The following TPX2 variants were observed in gnomAD, a reference collection of about 807,000 sequenced individuals.
The protein encoded by TPX2 is TPX2 microtubule nucleation factor, also known as targeting protein for Xklp2.
Under a neutral mutation model 93.6 loss-of-function variants are expected in TPX2, and 21 were observed. That is an observed-to-expected ratio of 0.22 (90% confidence interval 0.16 to 0.32). The LOEUF (loss-of-function observed/expected upper bound fraction) is 0.32, where lower values mean the gene tolerates loss of function less well. TPX2 is among the 10% of genes least tolerant of loss of function. The pLI, the probability that TPX2 is intolerant of heterozygous loss-of-function variation, is 1.00. For synonymous variants in TPX2, 281 were observed against 298.3 expected (o/e 0.94, Z 0.60); for missense variants, 776 against 871.1 (o/e 0.89, Z 1.37).
intron 4 of TPX2, among the ~76,000 whole-genome samples, chr20:31,765,145 T>A (rs940649984): frequency 6.6e-6 from 1 of 151,738 alleles, no homozygotes; most frequent in Admixed American, 6.6e-5. Context: ...CCCATAACAC[T>A]TTTTTTCTAT....
intron 7 of TPX2, among the ~76,000 whole-genome samples, chr20:31,772,328 C>G (rs139364122): frequency 2.1e-4 from 32 of 152,094 alleles, no homozygotes; most frequent in Non-Finnish European, 3.4e-4. Context: ...GCCTACCTGG[C>G]TAACTTTTAC....
rs919144095 is a variant in TPX2, at chr20:31,801,003, G to A, written c.2167G>A (p.Gly723Ser). The A allele has an allele frequency of 2.5e-6, 4 of 1,614,016 alleles. No individual in the cohort carries two copies. Among genetic ancestry groups the A allele is most frequent in the Non-Finnish European group, 3.4e-6 (4 of 1,180,022 alleles). ...HKANPIRKYQ[G>S]LEIKSSDQPL... Reference sequence around the variant, plus strand: ...GGCAAATCCAATACGCAAGTACCAGGGTCTGGAGATAAAGTCAAGTGACCA... The same window carrying A: ...GGCAAATCCAATACGCAAGTACCAGAGTCTGGAGATAAAGTCAAGTGACCA... The change falls in exon 18 of 18, where the codon GGT (glycine) becomes AGT (serine). Residue 723 changes from glycine to serine, a missense_variant. Physicochemically the swap from Gly to Ser is moderately conservative, Grantham distance 56. Coordinates refer to ENST00000300403, the MANE Select transcript of TPX2 (RefSeq NM_012112.5).
intron 13 of TPX2, 92 bp from the exon 14 acceptor site, chr20:31,793,756 C>A: frequency 8.3e-7 from 1 of 1,206,100 alleles, no homozygotes; most frequent in Non-Finnish European, 1.1e-6. Context: ...TTAATTAATG[C>A]CACATATTAA....
intron 3 of TPX2, among the ~76,000 whole-genome samples, chr20:31,759,427 G>C (rs1185358406): frequency 7.3e-6 from 1 of 137,462 alleles, no homozygotes; most frequent in Non-Finnish European, 1.5e-5. Flanking sequence ...TTGAGATGGA[G>C]TCTTGCTCTG....
chr20:31,755,507 C>T (rs543743647), intron 2 of TPX2, among the ~76,000 whole-genome samples: 13 of 151,376 alleles, frequency 8.6e-5, no homozygotes, highest in Admixed American at 5.3e-4. Flanking sequence ...TGGCCGGGCG[C>T]GGTGGCTCAC....
Position 31,793,642 on chromosome 20 carries a change from G to A in TPX2, c.1510-206G>A, listed in dbSNP as rs1344514563. ...TTTACAACATTCCTGTGGAAAACTA[G>A]ATCTTTTAAGAGTAATTGTGTTAGC... is the stretch of plus-strand genomic sequence containing the variant. On this transcript the variant is annotated intron_variant, in intron 13 of 17. Coordinates refer to ENST00000300403, the MANE Select transcript of TPX2 (RefSeq NM_012112.5). 2.0e-5 allele frequency among the ~76,000 whole-genome samples: 3 copies of A among 152,186 alleles called. No individual in the cohort carries two copies. In the East Asian group the frequency reaches 5.8e-4, roughly 29 times the overall value.
chr20:31,771,574 A>G lies in TPX2; in HGVS notation c.500A>G (p.Lys167Arg). 6.2e-7 allele frequency: 1 copy of G among 1,608,294 alleles called. No individual in the cohort carries two copies. Among genetic ancestry groups the G allele is most frequent in the Non-Finnish European group, 8.5e-7 (1 of 1,178,694 alleles). The change falls in exon 7 of 18, where the codon AAG (lysine) becomes AGG (arginine). Residue 167 changes from lysine (K) to arginine (R), a missense_variant. Lys to Arg is a conservative substitution (Grantham distance 26). This residue lies in a region of TPX2 where 279 missense variants were observed against 261.6 expected (regional missense o/e 1.07). Coordinates refer to ENST00000300403, the MANE Select transcript of TPX2 (RefSeq NM_012112.5). The part of the protein sequence containing the change: ...SKKMKVSNNK[K>R]KPEEEGSAHQ... ...TTGAACTCAAGTTCTAACAACAAAAAGAAGCCAGAGGAAGAAGGCAGTGCT... is the reference window on the plus strand; with the variant it reads ...TTGAACTCAAGTTCTAACAACAAAAGGAAGCCAGAGGAAGAAGGCAGTGCT...
At chr20:31,792,869 T>C in intron 13 of TPX2, 39 bp downstream of exon 13, 1 of 1,558,634 alleles carries the variant, frequency 6.4e-7, no homozygotes, top group East Asian at 2.2e-5. Flanking sequence ...TTTCCTTCTA[T>C]ATAGTCAGTC....
At chr20:31,746,072 T>C (rs183833795) in intron 2 of TPX2, among the ~76,000 whole-genome samples, 1 of 152,308 alleles carries the variant, frequency 6.6e-6, no homozygotes, top group Admixed American at 6.5e-5. Context: ...AGAACAAGTG[T>C]CCATGTGTCC....
intron 5 of TPX2, among the ~76,000 whole-genome samples, chr20:31,769,084 A>G (rs2061947211): frequency 6.6e-6 from 1 of 152,176 alleles, no homozygotes; most frequent in African/African-American, 2.4e-5. Context: ...AGAAAAGAAT[A>G]CTTGTAGTAG....
At chr20:31,766,028 A>G (rs2061922834) in intron 4 of TPX2, among the ~76,000 whole-genome samples, 1 of 152,224 alleles carries the variant, frequency 6.6e-6, no homozygotes, top group South Asian at 2.1e-4. Flanking sequence ...AAATTAGTGC[A>G]GGAGAGAAAA....
intron 17 of TPX2, 30 bp from the exon 18 acceptor site, chr20:31,800,940 T>A: frequency 3.2e-6 from 5 of 1,547,992 alleles, no homozygotes; most frequent in Non-Finnish European, 4.5e-6. Flanking sequence ...CTGACATCCC[T>A]CTCACTGGTA....
rs73903648 is a variant in TPX2, at chr20:31,798,217, A to G, written c.1946-148A>G. 5,397 of 935,052 alleles carry G rather than the reference A, an allele frequency of 5.8e-3. 198 individuals carry two copies. In the African/African-American group the frequency reaches 0.077, roughly 13 times the overall value. 57.9% of individuals were successfully genotyped at this position (935,052 alleles called of 1,614,324 possible). A position where few individuals can be genotyped will look rare whatever the true frequency, so the allele number is the denominator to read the frequency against. ...TAAAATTCTAAAACTTTTTGTATTT[A>G]GTTGGCTCTACCTTTCTCCCAATGG... On this transcript the variant is annotated intron_variant, in intron 16 of 17. Transcript: ENST00000300403.
intron 14 of TPX2, among the ~76,000 whole-genome samples, 171 bp downstream of exon 14, chr20:31,794,195 G>A (rs2062120704): frequency 6.6e-6 from 1 of 152,178 alleles, no homozygotes; most frequent in Admixed American, 6.5e-5. Flanking sequence ...GGCACAAGGA[G>A]GTTAAGTGAC....
chr20:31,750,621 AAACT>A, intron 2 of TPX2, among the ~76,000 whole-genome samples: 4 of 152,056 alleles, frequency 2.6e-5, no homozygotes, highest in Admixed American at 6.6e-5. Context: ...ATGTGCCACC[AAACT>A]CAGCTAATTT....
Position 31,801,178 on chromosome 20 carries a change from C to G in TPX2, c.*98C>G, listed in dbSNP as rs2062169587. 5 of 1,069,258 alleles carry G rather than the reference C, an allele frequency of 4.7e-6. No homozygotes were observed. The highest frequency in any genetic ancestry group is 2.2e-4 in the Middle Eastern group (1 of 4,650). 66.2% of individuals were successfully genotyped at this position (1,069,258 alleles called of 1,614,324 possible). On this transcript the variant is annotated 3_prime_UTR_variant, in exon 18 of 18. Coordinates refer to ENST00000300403, the MANE Select transcript of TPX2 (RefSeq NM_012112.5). ...TTTGTCATTGGGCATGGAGAGAACC[C>G]ATTTCTCCAGACTTTTACCTACCCG... is the stretch of plus-strand genomic sequence containing the variant.
chr20:31,743,589 G>T (rs1427027170), intron 2 of TPX2, among the ~76,000 whole-genome samples: 1 of 143,266 alleles, frequency 7.0e-6, no homozygotes. Context: ...CCAGCTACTT[G>T]GGGGGCCAAG....
At chr20:31,792,625 A>G (rs2062109039) in intron 12 of TPX2, 110 bp from the exon 13 acceptor site, 9 of 1,041,576 alleles carry the variant, frequency 8.6e-6, no homozygotes, top group Non-Finnish European at 1.3e-5. Flanking sequence ...CAGCTGGGCA[A>G]CATAGTGAGA....
chr20:31,790,238 A>G (rs1264843798), intron 12 of TPX2, among the ~76,000 whole-genome samples: 4 of 152,228 alleles, frequency 2.6e-5, no homozygotes, highest in African/African-American at 7.2e-5. Context: ...TAATGATTCT[A>G]GCATTCTTTA....
Sources: allele counts gnomAD v4.1 joint callset (sites outside exome capture counted in the v4.1 genomes callset), GRCh38; gene constraint gnomAD v4.1.1; regional missense constraint gnomAD v4.1.1; transcripts MANE v1.5; gene names NCBI Gene and HGNC (gene_info 2026-07-23, HGNC 2026-07-21).